The following UTP4 variants were observed in gnomAD, a reference collection of about 807,000 sequenced individuals.
UTP4 encodes the protein U3 small nucleolar RNA-associated protein 4 homolog.
A neutral mutation model predicts 82.4 loss-of-function variants in UTP4; 45 were observed. That is an observed-to-expected ratio of 0.55 (90% CI 0.43 to 0.70). UTP4 has a LOEUF of 0.70. Among genes scored for constraint, UTP4 ranks in the 30% least tolerant of loss-of-function variants. The pLI, the probability that UTP4 is intolerant of heterozygous loss-of-function variation, is 0.00. For missense variants in UTP4, 819 were observed against 858.3 expected, an observed-to-expected ratio of 0.95 and a Z score of 0.57; for synonymous variants, 348 against 300.3, an observed-to-expected ratio of 1.16 and a Z score of -1.64.
intron 6 of UTP4, among the ~76,000 whole-genome samples, chr16:69,147,983 T>G (rs1420349734): frequency 1.3e-5 from 2 of 152,178 alleles, no homozygotes; most frequent in East Asian, 3.9e-4. Context: ...AGACGGAATC[T>G]TGCTCTGTCG....
chr16:69,138,143 G>A, intron 4 of UTP4: 1 of 484,688 alleles, frequency 2.1e-6, no homozygotes, highest in Admixed American at 3.8e-5. Context: ...AAGTCAATTT[G>A]TTAGTTATCA....
intron 6 of UTP4, 102 bp downstream of exon 6, chr16:69,143,491 ATGT>A: frequency 9.9e-7 from 1 of 1,011,226 alleles, no homozygotes; most frequent in Non-Finnish European, 1.5e-6. Context: ...CCTGATCCTG[ATGT>A]TGTACTGGAG....
chr16:69,142,155 A>C (rs1170661905), intron 5 of UTP4: 2 of 152,160 alleles, frequency 1.3e-5, no homozygotes, highest in Non-Finnish European at 2.9e-5. Flanking sequence ...TCATCACTGC[A>C]TCATGTGGCT....
At chr16:69,148,516 G>C (rs142416710) in intron 6 of UTP4, among the ~76,000 whole-genome samples, 3,023 of 152,128 alleles carry the variant, frequency 0.02, 27 homozygotes, top group Non-Finnish European at 0.026. Flanking sequence ...ACAGGCCTGA[G>C]CCACCACGCC....
rs774541659 is a variant in UTP4 at position 69,143,303 on chromosome 16, G to C, written c.652G>C (p.Val218Leu). ...TIISVDSAGK[V>L]QFWDSATGTL... is the part of the protein sequence containing the mutation. ...CATAAGTGTGGACTCTGCTGGGAAG[G>C]TGCAGTTCTGGGACTCAGCCACTGG... Residue 218 changes from valine to leucine, a missense_variant, in exon 6 of 17, where the codon GTG becomes CTG. Physicochemically the swap from Val to Leu is conservative, Grantham distance 32 (BLOSUM62 1). Transcript: ENST00000314423. The C allele has an allele frequency of 6.2e-7, 1 of 1,614,200 alleles. No homozygotes were observed. The highest frequency in any genetic ancestry group is 1.7e-5 in the Admixed American group (1 of 60,014).
At chr16:69,134,804 C>G (rs1037615181) in intron 2 of UTP4, among the ~76,000 whole-genome samples, 2 of 150,628 alleles carry the variant, frequency 1.3e-5, no homozygotes, top group Non-Finnish European at 3.0e-5. Flanking sequence ...CCTCTCCTGC[C>G]TCAGCCTTCC....
intron 16 of UTP4, among the ~76,000 whole-genome samples, chr16:69,168,303 G>T (rs1427688152): frequency 6.6e-6 from 1 of 152,054 alleles, no homozygotes; most frequent in Non-Finnish European, 1.5e-5. Context: ...GGGCGTGGTG[G>T]TGGGCACCTG....
Position 69,157,143 on chromosome 16 carries a change from A to G in UTP4, c.1347A>G (p.Ser449=). ...SALQILFSED[S]TKLFVASNQG... ...TTCAGATTTTGTTTTCTGAAGATTC[A>G]ACAAAGCTCTTTGTAGCATCAAATC... The change falls in exon 12 of 17, where the codon TCA becomes TCG. Residue 449 remains serine, a synonymous_variant. Transcript: ENST00000314423. The G allele has an allele frequency of 6.2e-7, 1 of 1,614,200 alleles. No individual in the cohort carries two copies. Among genetic ancestry groups the G allele is most frequent in the Non-Finnish European group, 8.5e-7 (1 of 1,180,028 alleles).
At chr16:69,142,694 G>A (rs1024844327) in intron 5 of UTP4, among the ~76,000 whole-genome samples, 1 of 152,168 alleles carries the variant, frequency 6.6e-6, no homozygotes, top group African/African-American at 2.4e-5. Context: ...CTGCTTTCCA[G>A]TTCCCCAAAT....
At chr16:69,136,442 G>A (rs928955087) in intron 2 of UTP4, among the ~76,000 whole-genome samples, 1 of 152,162 alleles carries the variant, frequency 6.6e-6, no homozygotes, top group African/African-American at 2.4e-5. Context: ...CGTCCAGGCT[G>A]GAATGCAGTT....
chr16:69,146,651 A>G (rs1203847869), intron 6 of UTP4, among the ~76,000 whole-genome samples: 1 of 151,648 alleles, frequency 6.6e-6, no homozygotes, highest in East Asian at 1.9e-4. Flanking sequence ...AGTTGAGGTC[A>G]GGAGTTCGAG....
chr16:69,154,948 G>A (rs1026540098), intron 10 of UTP4, among the ~76,000 whole-genome samples: 12 of 151,942 alleles, frequency 7.9e-5, no homozygotes, highest in South Asian at 2.1e-4. Flanking sequence ...TTGAACTCCC[G>A]ACCTCAGGTG....
At chr16:69,153,770 C>A in intron 9 of UTP4, 90 bp downstream of exon 9, 1 of 850,538 alleles carries the variant, frequency 1.2e-6, no homozygotes, top group Non-Finnish European at 2.0e-6. Context: ...TATAGAAAAA[C>A]TGAAGTAGAC....
chr16:69,138,853 T>G (rs1470704735), intron 4 of UTP4, among the ~76,000 whole-genome samples: 1 of 152,216 alleles, frequency 6.6e-6, no homozygotes, highest in Non-Finnish European at 1.5e-5. Context: ...GGGCCACAGT[T>G]TGGTGACCCA....
intron 6 of UTP4, among the ~76,000 whole-genome samples, chr16:69,147,001 CA>C (rs71148965): frequency 2.6e-3 from 220 of 85,778 alleles, no homozygotes; most frequent in South Asian, 6.7e-3. Context: ...GACTCTGCCT[CA>C]AAAAAAAAAA....
intron 5 of UTP4, among the ~76,000 whole-genome samples, chr16:69,141,145 A>G (rs1962948809): frequency 1.3e-5 from 2 of 152,160 alleles, no homozygotes; most frequent in Non-Finnish European, 2.9e-5. Flanking sequence ...ATCTTTGTGA[A>G]TAAGTCCCTC....
intron 4 of UTP4, 35 bp from the exon 5 acceptor site, chr16:69,139,790 A>G: frequency 1.5e-6 from 2 of 1,378,944 alleles, no homozygotes; most frequent in African/African-American, 1.4e-5. Flanking sequence ...ATTTATGTGT[A>G]TGTCACTTTC....
chr16:69,135,596 G>C (rs1264579911), intron 2 of UTP4, among the ~76,000 whole-genome samples: 3 of 152,126 alleles, frequency 2.0e-5, no homozygotes, highest in Non-Finnish European at 2.9e-5. Flanking sequence ...TATGCCCATA[G>C]TTCCAGCTAC....
At position 69,163,139 on chromosome 16, in the gene UTP4, C is replaced by T; in HGVS notation, c.1608C>T (p.Pro536=). ...NFPVTAMAIA[P]NTNNLVIAHS... Reference sequence around the variant, plus strand: ...CAGTGACTGCTATGGCTATTGCCCCCAATACCAACAACCTTGTCATCGCTC... The same window carrying T: ...CAGTGACTGCTATGGCTATTGCCCCTAATACCAACAACCTTGTCATCGCTC... Residue 536 remains proline (P), a synonymous_variant, in exon 14 of 17, where the codon CCC becomes CCT. Transcript: ENST00000314423. The T allele has an allele frequency of 6.2e-7, 1 of 1,614,140 alleles. No individual in the cohort carries two copies. The highest frequency in any genetic ancestry group is 8.5e-7 in the Non-Finnish European group (1 of 1,180,002).
Sources: gnomAD v4.1 joint callset for allele counts (sites outside exome capture counted in the v4.1 genomes callset) on GRCh38, gnomAD v4.1.1 for gene constraint, MANE v1.5 for transcripts, NCBI Gene and HGNC (gene_info 2026-07-23, HGNC 2026-07-21) for gene names.